The following NCAM2 variants were observed in gnomAD, a reference collection of about 807,000 sequenced individuals.
NCAM2 encodes N-CAM-2.
In NCAM2, 30 loss-of-function variants were observed where a neutral mutation model predicts 98.1. That is an observed-to-expected ratio of 0.31 (90% CI 0.23 to 0.41). The LOEUF is 0.41. Among genes scored for constraint, NCAM2 ranks in the 10% least tolerant of loss-of-function variants. NCAM2 has a pLI of 1.00. For missense variants in NCAM2, 867 were observed against 1,005.8 expected (o/e 0.86, Z 1.87); for synonymous variants, 368 against 342.4 (o/e 1.07, Z -0.83).
intron 1 of NCAM2, among the ~76,000 whole-genome samples, chr21:21,199,432 C>G (rs1438682176): frequency 6.6e-6 from 1 of 152,126 alleles, no homozygotes; most frequent in Non-Finnish European, 1.5e-5. Context: ...GATGAAAAAC[C>G]TCATGACTGA....
At chr21:21,152,713 AACT>A (rs2067482749) in intron 1 of NCAM2, among the ~76,000 whole-genome samples, 1 of 151,846 alleles carries the variant, frequency 6.6e-6, no homozygotes, top group Non-Finnish European at 1.5e-5. Context: ...GCCTTAATGG[AACT>A]TGGAAATCTC....
At chr21:21,387,775 A>G (rs946979703) in intron 9 of NCAM2, among the ~76,000 whole-genome samples, 8 of 152,216 alleles carry the variant, frequency 5.3e-5, no homozygotes, top group Admixed American at 5.2e-4. Context: ...TAGTGTATAG[A>G]ATTGAATAAA....
In NCAM2 at chr21:21,136,334, A is replaced by G. The variant is rs7278002; in HGVS notation, c.55+137716A>G. Reference sequence around the variant, plus strand: ...ATTCAGCCATGTATCCAGAAGGGAAAACAACCAGAAACACTGGTGAGCAAC... The same window carrying G: ...ATTCAGCCATGTATCCAGAAGGGAAGACAACCAGAAACACTGGTGAGCAAC... On this transcript the variant is annotated intron_variant, in intron 1 of 17. Coordinates refer to ENST00000400546, the MANE Select transcript of NCAM2 (RefSeq NM_004540.5). Among the ~76,000 whole-genome samples the G allele has an allele frequency of 1.6e-3, 238 of 152,370 alleles. 1 individual carries two copies. The highest frequency in any genetic ancestry group is 6.8e-3 in the Middle Eastern group (2 of 294).
rs1254435275 is a variant in NCAM2 at position 21,411,013 on chromosome 21, AAAAT to A, written c.1383+554_1383+557del. 3.4e-4 allele frequency among the ~76,000 whole-genome samples: 23 copies of A among 67,590 alleles called. 2 individuals carry two copies. Among genetic ancestry groups the A allele is most frequent in the African/African-American group, 1.3e-3 (23 of 17,570 alleles). The allele number at this position is 67,590 out of a possible 152,430, so 44.3% of individuals were successfully genotyped here. On this transcript the variant is annotated intron_variant, in intron 10 of 17. Transcript: ENST00000400546. ...AGAGCGAGACTCCGTCTTAAAAAAA[AAAAT>A]ATATATATATATATACACACATATA... is the stretch of plus-strand genomic sequence containing the variant.
At chr21:21,092,522 A>G (rs1162920196) in intron 1 of NCAM2, among the ~76,000 whole-genome samples, 1 of 151,952 alleles carries the variant, frequency 6.6e-6, no homozygotes, top group Non-Finnish European at 1.5e-5. Context: ...AACAATGGTG[A>G]CTCATAGAAA....
chr21:21,226,009 A>G (rs1784570232), intron 1 of NCAM2, among the ~76,000 whole-genome samples: 2 of 152,280 alleles, frequency 1.3e-5, no homozygotes, highest in Admixed American at 6.6e-5. Context: ...CTTTGTGGCA[A>G]CATGGATGCA....
intron 1 of NCAM2, among the ~76,000 whole-genome samples, chr21:21,209,011 G>A (rs915341966): frequency 6.6e-6 from 1 of 152,000 alleles, no homozygotes; most frequent in East Asian, 1.9e-4. Flanking sequence ...CCTCATCTGT[G>A]TTGTGATTTA....
intron 3 of NCAM2, 35 bp downstream of exon 3, chr21:21,284,435 A>G (rs2147517473): frequency 6.7e-7 from 1 of 1,499,944 alleles, no homozygotes. Context: ...AGTTTATTCA[A>G]TTTCAGTTGC....
chr21:21,170,064 C>A (rs548124551), intron 1 of NCAM2, among the ~76,000 whole-genome samples: 10 of 152,188 alleles, frequency 6.6e-5, no homozygotes, highest in Admixed American at 5.2e-4. Context: ...ACCACAGCAC[C>A]CTTATTATAG....
intron 9 of NCAM2, among the ~76,000 whole-genome samples, chr21:21,393,927 T>C (rs2145839237): frequency 6.6e-6 from 1 of 152,308 alleles, no homozygotes; most frequent in South Asian, 2.1e-4. Context: ...AGAATAATAT[T>C]AGAAATATGA....
At chr21:21,460,140 TTATC>T (rs1387617147) in intron 12 of NCAM2, among the ~76,000 whole-genome samples, 3 of 151,946 alleles carry the variant, frequency 2.0e-5, no homozygotes, top group Non-Finnish European at 2.9e-5. Flanking sequence ...TTTTTCTTAT[TTATC>T]ATTTTTATTT....
intron 3 of NCAM2, 92 bp downstream of exon 3, chr21:21,284,492 A>C: frequency 3.3e-6 from 3 of 921,370 alleles, no homozygotes; most frequent in South Asian, 3.1e-5. Context: ...CTTATTAAGA[A>C]CTATGTGCTT....
In NCAM2 at chr21:20,998,688, G is replaced by A. The variant is rs13046621; in HGVS notation, c.55+70G>A. 4 of 1,395,380 alleles carry A rather than the reference G, an allele frequency of 2.9e-6. No individual in the cohort carries two copies. In the South Asian group the frequency reaches 3.5e-5, roughly 12 times the overall value. The allele number at this position is 1,395,380 out of a possible 1,614,324, so 86.4% of individuals were successfully genotyped here. A position where few individuals can be genotyped will look rare whatever the true frequency, so the allele number is the denominator to read the frequency against. On this transcript the variant is annotated intron_variant, in intron 1 of 17. Transcript: ENST00000400546. The stretch of plus-strand genomic sequence containing the variant: ...CACCCGGCCAAGAGAGGCAAAGAGG[G>A]AGGCGCAGGAAGAATGAAATGAAAG...
chr21:21,134,344 A>C (rs1293224868), intron 1 of NCAM2, among the ~76,000 whole-genome samples: 1 of 152,038 alleles, frequency 6.6e-6, no homozygotes, highest in Non-Finnish European at 1.5e-5. Context: ...TGCTGGGTCT[A>C]CAGGCATGAG....
chr21:21,109,735 T>A (rs1226165177), intron 1 of NCAM2, among the ~76,000 whole-genome samples: 1 of 152,214 alleles, frequency 6.6e-6, no homozygotes, highest in Non-Finnish European at 1.5e-5. Context: ...TATTTTCTGT[T>A]TCTCAACTGT....
At chr21:21,110,603 A>G (rs1316959568) in intron 1 of NCAM2, among the ~76,000 whole-genome samples, 2 of 150,824 alleles carry the variant, frequency 1.3e-5, no homozygotes, top group African/African-American at 2.4e-5. Context: ...ATTCCCTGGT[A>G]GTTTCATGGA....
intron 8 of NCAM2, among the ~76,000 whole-genome samples, chr21:21,348,433 TG>T (rs1164552819): frequency 4.6e-5 from 7 of 152,020 alleles, no homozygotes; most frequent in African/African-American, 1.7e-4. Context: ...TAAACACTGA[TG>T]AAAAAAATTT....
intron 1 of NCAM2, among the ~76,000 whole-genome samples, chr21:21,164,958 A>G (rs1026560174): frequency 4.6e-5 from 7 of 152,216 alleles, no homozygotes; most frequent in African/African-American, 1.7e-4. Flanking sequence ...TTGAATTTGT[A>G]TCATATACCA....
intron 1 of NCAM2, among the ~76,000 whole-genome samples, chr21:21,191,939 A>AG (rs1191652557): frequency 6.6e-6 from 1 of 152,086 alleles, no homozygotes; most frequent in Non-Finnish European, 1.5e-5. Flanking sequence ...ACCTGAAGAG[A>AG]GGCTGGGTGC....
Sources: allele counts gnomAD v4.1 joint callset (sites outside exome capture counted in the v4.1 genomes callset), GRCh38; gene constraint gnomAD v4.1.1; transcripts MANE v1.5; gene names NCBI Gene and HGNC (gene_info 2026-07-23, HGNC 2026-07-21).